Variants in CERS4 observed in about 807,000 individuals in gnomAD.
The protein encoded by CERS4 is LAG1 homolog, ceramide synthase 4.
A neutral mutation model predicts 51.8 loss-of-function variants in CERS4; 65 were observed. That is an observed-to-expected ratio of 1.26 (90% CI 1.03 to 1.54). CERS4 has a LOEUF of 1.54. Among genes scored for constraint, CERS4 ranks in the 40% most tolerant of loss-of-function variants. The pLI, the probability that CERS4 is intolerant of heterozygous loss-of-function variation, is 0.00. For synonymous variants in CERS4, 228 were observed against 208.4 expected, an observed-to-expected ratio of 1.09 and a Z score of -0.81; for missense variants, 563 against 500.4, an observed-to-expected ratio of 1.13 and a Z score of -1.19.
In CERS4 at chr19:8,245,122, A is replaced by AAAAACAAAAAAAACAAAAAAAAAC. The variant is rs1555777239; in HGVS notation, c.-1-5950_-1-5949insCAAAAAAAACAAAAAAAAACAAAA. On this transcript the variant is annotated intron_variant, in intron 2 of 11. Transcript: ENST00000251363. ...GCGAGACTCCATCTCAAAAAAAAAA[A>AAAAACAAAAAAAACAAAAAAAAAC]AAAAAAAAAAAAACACTCTTGGCTT... Among the ~76,000 whole-genome samples, 323 of 129,274 alleles carry AAAAACAAAAAAAACAAAAAAAAAC rather than the reference A, an allele frequency of 2.5e-3. 8 individuals are homozygous for AAAAACAAAAAAAACAAAAAAAAAC. Among genetic ancestry groups the AAAAACAAAAAAAACAAAAAAAAAC allele is most frequent in the African/African-American group, 9.7e-3 (304 of 31,460 alleles). The allele number at this position is 129,274 out of a possible 152,430, so 84.8% of individuals were successfully genotyped here. A position where few individuals can be genotyped will look rare whatever the true frequency, so the allele number is the denominator to read the frequency against.
intron 8 of CERS4, 51 bp from the exon 9 acceptor site, chr19:8,256,898 G>A (rs1334201155): frequency 1.2e-6 from 2 of 1,613,054 alleles, no homozygotes; most frequent in African/African-American, 2.7e-5. Flanking sequence ...TAGGGTGGGG[G>A]ACCTTCCAGC....
At position 8,257,895 on chromosome 19, in the gene CERS4, A is replaced by T; in HGVS notation, c.758A>T (p.Asn253Ile). The T allele has an allele frequency of 6.2e-7, 1 of 1,613,742 alleles. No individual in the cohort carries two copies. The highest frequency in any genetic ancestry group is 8.5e-7 in the Non-Finnish European group (1 of 1,179,878). ...DYLLEACKMV[N>I]YMQYQQVCDA... is the part of the protein sequence containing the mutation. The stretch of plus-strand genomic sequence containing the variant: ...CCTTTCCAGGCCTGTAAGATGGTCA[A>T]CTACATGCAGTATCAGCAAGTGTGC... The change falls in exon 10 of 12, where the codon AAC becomes ATC. Residue 253 changes from asparagine to isoleucine, a missense_variant. Transcript: ENST00000251363.
chr19:8,245,287 G>A (rs1001469443), intron 2 of CERS4, among the ~76,000 whole-genome samples: 17 of 151,868 alleles, frequency 1.1e-4, no homozygotes, highest in African/African-American at 3.9e-4. Flanking sequence ...GTATCACTCT[G>A]TCATTTAGGC....
intron 2 of CERS4, among the ~76,000 whole-genome samples, chr19:8,248,991 TGATG>T (rs1968925489): frequency 6.6e-6 from 1 of 150,748 alleles, no homozygotes; most frequent in Non-Finnish European, 1.5e-5. Context: ...AACAGATGAA[TGATG>T]GGTGGATGGA....
chr19:8,220,451 TGTG>T (rs1270839343), intron 2 of CERS4, among the ~76,000 whole-genome samples: 2 of 152,076 alleles, frequency 1.3e-5, no homozygotes, highest in Non-Finnish European at 2.9e-5. Context: ...ATTACAGGCA[TGTG>T]CCACCATGCC....
rs1170029182 is a variant in CERS4 at position 8,210,868 on chromosome 19, T to C, written c.-2+6T>C. On this transcript the variant is annotated splice_donor_region_variant and intron_variant, in intron 2 of 11. Transcript: ENST00000251363. The surrounding 1 kb of genome is among the most constrained non-coding windows in gnomAD (Gnocchi z 4.2). ...CTCACCCACTGCCAGCAGAGGTACT[T>C]TGAGCCTGGGGTGTGGGGGGTGGGG... The C allele has an allele frequency of 6.6e-6, 1 of 152,142 alleles. No homozygotes were observed. Among genetic ancestry groups the C allele is most frequent in the Non-Finnish European group, 1.5e-5 (1 of 68,072 alleles). The allele number at this position is 152,142 out of a possible 1,614,324, so 9.4% of individuals were successfully genotyped here.
chr19:8,221,001 T>G (rs1269581638), intron 2 of CERS4, among the ~76,000 whole-genome samples: 3 of 151,762 alleles, frequency 2.0e-5, no homozygotes, highest in African/African-American at 7.3e-5. Context: ...TTTTTGTATT[T>G]TTTTTAGTAG....
In CERS4 at chr19:8,261,574, A is replaced by C; in HGVS notation, c.849-114A>C. The C allele has an allele frequency of 2.5e-6, 3 of 1,214,730 alleles. No individual in the cohort carries two copies. The South Asian group carries it at 4.1e-5, about 17-fold the overall frequency. The allele number at this position is 1,214,730 out of a possible 1,614,324, so 75.2% of individuals were successfully genotyped here. A position where few individuals can be genotyped will look rare whatever the true frequency, so the allele number is the denominator to read the frequency against. On this transcript the variant is annotated intron_variant, in intron 10 of 11. Transcript: ENST00000251363. Reference sequence around the variant, plus strand: ...TAGGTATCATGGGGTGGGGGGCACTAGGGAGCCATAGGTGGTTATGGAGCA... The same window carrying C: ...TAGGTATCATGGGGTGGGGGGCACTCGGGAGCCATAGGTGGTTATGGAGCA...
chr19:8,254,769 T>C (rs1969284962), intron 4 of CERS4, among the ~76,000 whole-genome samples, 153 bp downstream of exon 4: 1 of 152,032 alleles, frequency 6.6e-6, no homozygotes, highest in African/African-American at 2.4e-5. Flanking sequence ...CTCAATTCCC[T>C]GGGAAAGGGC....
chr19:8,224,392 G>C (rs555603301), intron 2 of CERS4, among the ~76,000 whole-genome samples: 11 of 146,416 alleles, frequency 7.5e-5, no homozygotes, highest in Non-Finnish European at 1.3e-4. Context: ...GGGTGACAGA[G>C]CGAGACTCCA....
At chr19:8,211,748 C>T (rs1330190740) in intron 2 of CERS4, among the ~76,000 whole-genome samples, 1 of 151,566 alleles carries the variant, frequency 6.6e-6, no homozygotes, top group East Asian at 1.9e-4. Flanking sequence ...AAAAATTAGC[C>T]GGGCGTGGTG....
intron 2 of CERS4, among the ~76,000 whole-genome samples, chr19:8,235,792 G>A (rs1283438005): frequency 6.6e-6 from 1 of 152,034 alleles, no homozygotes; most frequent in Non-Finnish European, 1.5e-5. Flanking sequence ...TACTCAGGAG[G>A]CTGAGGTGGG....
chr19:8,217,598 T>C (rs1479701448), intron 2 of CERS4, among the ~76,000 whole-genome samples: 2 of 148,452 alleles, frequency 1.3e-5, no homozygotes, highest in African/African-American at 2.5e-5. Flanking sequence ...GTGCAGTGAC[T>C]CCATCTCGGC....
chr19:8,239,999 G>A (rs953585457), intron 2 of CERS4, among the ~76,000 whole-genome samples: 28 of 152,146 alleles, frequency 1.8e-4, no homozygotes, highest in African/African-American at 6.0e-4. Context: ...AGGGTTGAAG[G>A]AACTACACAG....
At chr19:8,215,309 T>G (rs771419579) in intron 2 of CERS4, among the ~76,000 whole-genome samples, 53 of 151,838 alleles carry the variant, frequency 3.5e-4, no homozygotes, top group Non-Finnish European at 4.4e-5. Context: ...CGAAACCCTG[T>G]CTCTACTAAA....
At chr19:8,240,584 A>ATGTGTGTGTGTG in intron 2 of CERS4, 1 of 37,686 alleles carries the variant, frequency 2.7e-5, no homozygotes, top group East Asian at 8.9e-4. Flanking sequence ...CAATGTATGC[A>ATGTGTGTGTGTG]AGTGTGTGTG....
chr19:8,232,252 C>T, intron 2 of CERS4, among the ~76,000 whole-genome samples: 1 of 151,852 alleles, frequency 6.6e-6, no homozygotes. Context: ...CTTGTTTTTC[C>T]TCTTTAGAGT....
chr19:8,219,161 C>T (rs576466095), intron 2 of CERS4, among the ~76,000 whole-genome samples: 11 of 152,178 alleles, frequency 7.2e-5, no homozygotes, highest in Admixed American at 2.0e-4. Flanking sequence ...GAGCCTAGAT[C>T]GTGCCATTGT....
chr19:8,255,785 G>A (rs8111235), intron 5 of CERS4, 37 bp from the exon 6 acceptor site: 1 of 1,514,646 alleles, frequency 6.6e-7, no homozygotes, highest in South Asian at 1.1e-5. Flanking sequence ...GGCGGGGCGG[G>A]TGTCTGCTAT....
Sources: gnomAD v4.1 joint callset for allele counts (sites outside exome capture counted in the v4.1 genomes callset) on GRCh38, gnomAD v4.1.1 for gene constraint, Gnocchi (gnomAD v3.1) non-coding constraint, MANE v1.5 for transcripts, NCBI Gene and HGNC (gene_info 2026-07-23, HGNC 2026-07-21) for gene names.